Variants in FOXP1 observed in about 807,000 individuals in gnomAD.
The protein encoded by FOXP1 is forkhead box P1, also known as forkhead box protein P1.
A neutral mutation model predicts 98.2 loss-of-function variants in FOXP1; 15 were observed. That is an observed-to-expected ratio of 0.15 (90% CI 0.10 to 0.24). The LOEUF (loss-of-function observed/expected upper bound fraction) is 0.24, where lower values mean the gene tolerates loss of function less well. Ranked by LOEUF, FOXP1 falls within the 10% of genes least tolerant of loss-of-function variation. The pLI is 1.00. For synonymous variants in FOXP1, 371 were observed against 314.5 expected (o/e 1.18, Z -1.90); for missense variants, 633 against 848.5 (o/e 0.75, Z 3.15).
At chr3:71,184,214 C>A (rs997536323) in intron 6 of FOXP1, among the ~76,000 whole-genome samples, 12 of 152,156 alleles carry the variant, frequency 7.9e-5, no homozygotes, top group Admixed American at 1.3e-4. Context: ...AGTTTGAGAA[C>A]CACTGCTGAC....
chr3:71,224,646 G>A (rs1173255949), intron 5 of FOXP1, among the ~76,000 whole-genome samples: 1 of 152,202 alleles, frequency 6.6e-6, no homozygotes, highest in Admixed American at 6.5e-5. Context: ...AGAGGGCCCA[G>A]CACCCAGCAC....
chr3:71,284,640 C>T lies in FOXP1; in HGVS notation c.-12+15180G>A, dbSNP rs186935066. 4.0e-4 allele frequency among the ~76,000 whole-genome samples: 61 copies of T among 152,126 alleles called. No homozygotes were observed. The South Asian group carries it at 4.8e-3, about 12-fold the overall frequency. ...AGGAAAACTGGACATGGTGTCAATA[C>T]CCAACATTAAGAATAGTTCTTTAAA... On this transcript the variant is annotated intron_variant, in intron 5 of 20. Coordinates refer to ENST00000649528, the MANE Select transcript of FOXP1 (RefSeq NM_001349338.3).
At chr3:70,980,813 A>C (rs934342113) in intron 14 of FOXP1, among the ~76,000 whole-genome samples, 16 of 152,198 alleles carry the variant, frequency 1.1e-4, no homozygotes. Flanking sequence ...ACCATCAAAC[A>C]CATACGTCAG....
chr3:70,971,382 G>C (rs1472661702), intron 18 of FOXP1: 1 of 156,826 alleles, frequency 6.4e-6, no homozygotes, highest in East Asian at 1.9e-4. Flanking sequence ...GGGAGGGTCT[G>C]AGAATATTTG....
intron 7 of FOXP1, among the ~76,000 whole-genome samples, chr3:71,073,056 C>A (rs1382006109): frequency 1.3e-5 from 2 of 152,204 alleles, no homozygotes; most frequent in Admixed American, 6.5e-5. Context: ...AAGCAGGAAG[C>A]TTTCAGGTCA....
chr3:70,980,398 T>C (rs1217507948), intron 14 of FOXP1, among the ~76,000 whole-genome samples: 1 of 152,214 alleles, frequency 6.6e-6, no homozygotes, highest in Non-Finnish European at 1.5e-5. Context: ...GTAACATTTG[T>C]AAAAATCATG....
At chr3:71,229,937 A>G (rs944580392) in intron 5 of FOXP1, among the ~76,000 whole-genome samples, 1 of 152,046 alleles carries the variant, frequency 6.6e-6, no homozygotes, top group African/African-American at 2.4e-5. Flanking sequence ...TCTAGGACTT[A>G]GGGATAATTG....
intron 6 of FOXP1, among the ~76,000 whole-genome samples, chr3:71,165,062 G>A (rs184784004): frequency 2.5e-4 from 38 of 151,972 alleles, no homozygotes; most frequent in African/African-American, 7.7e-4. Context: ...GCATTTAAAC[G>A]GAAAGTGAAC....
At chr3:71,167,833 G>A (rs1554536) in intron 6 of FOXP1, among the ~76,000 whole-genome samples, 121,116 of 152,200 alleles carry the variant, frequency 0.8, 48,795 homozygotes, top group East Asian at 0.9. Flanking sequence ...AAAATTAATC[G>A]TGGTTTCCAT....
At chr3:71,272,014 G>C (rs1445918393) in intron 5 of FOXP1, among the ~76,000 whole-genome samples, 1 of 152,152 alleles carries the variant, frequency 6.6e-6, no homozygotes, top group Non-Finnish European at 1.5e-5. Flanking sequence ...TCTCACTGGG[G>C]ACATAATCAA....
chr3:71,426,115 T>C (rs1335678491), intron 3 of FOXP1, among the ~76,000 whole-genome samples: 1 of 152,208 alleles, frequency 6.6e-6, no homozygotes, highest in Non-Finnish European at 1.5e-5. Context: ...TTGATGGTGA[T>C]ACCTCTTGAC....
intron 2 of FOXP1, chr3:71,571,577 G>A (rs1183038556): frequency 6.6e-6 from 1 of 152,168 alleles, no homozygotes; most frequent in Non-Finnish European, 1.5e-5. Flanking sequence ...TTCCCTGGCT[G>A]GTCAAGGTAA....
rs1378506303 is a variant in FOXP1 at position 70,957,486 on chromosome 3, A to C, written c.*1761T>G. On this transcript the variant is annotated 3_prime_UTR_variant, in exon 21 of 21. Transcript: ENST00000649528. The stretch of plus-strand genomic sequence containing the variant: ...TCATCAGATAAAGCATAAAACAGAG[A>C]ACATAATTTACCTTTGTGTAATATC... The C allele has an allele frequency of 4.3e-6, 1 of 230,808 alleles. No homozygotes were observed. The highest frequency in any genetic ancestry group is 8.6e-6 in the Non-Finnish European group (1 of 116,416). The allele number at this position is 230,808 out of a possible 1,614,324, so 14.3% of individuals were successfully genotyped here.
chr3:71,321,431 A>G (rs1232552281), intron 4 of FOXP1, among the ~76,000 whole-genome samples: 1 of 152,118 alleles, frequency 6.6e-6, no homozygotes, highest in Non-Finnish European at 1.5e-5. Flanking sequence ...CATTTAAGTG[A>G]CCATGGAATA....
chr3:71,538,729 T>G (rs1353154305), intron 2 of FOXP1, among the ~76,000 whole-genome samples: 1 of 152,188 alleles, frequency 6.6e-6, no homozygotes, highest in Admixed American at 6.5e-5. Context: ...TTGCGTGTGG[T>G]TTGGTTTCAC....
At chr3:70,961,510 CG>C (rs1240486177) in intron 20 of FOXP1, among the ~76,000 whole-genome samples, 1 of 152,100 alleles carries the variant, frequency 6.6e-6, no homozygotes, top group Non-Finnish European at 1.5e-5. Flanking sequence ...GGATTACAGG[CG>C]TGAGACACCA....
chr3:71,229,982 C>T (rs553285123), intron 5 of FOXP1, among the ~76,000 whole-genome samples: 4 of 151,958 alleles, frequency 2.6e-5, no homozygotes, highest in African/African-American at 7.3e-5. Flanking sequence ...ATCTCAGTGG[C>T]GCTGCAACCT....
intron 4 of FOXP1, chr3:71,305,621 A>C (rs2107593756): frequency 6.6e-6 from 1 of 152,312 alleles, no homozygotes; most frequent in South Asian, 2.1e-4. Flanking sequence ...TGTTAGGACA[A>C]AGAATAATAA....
intron 2 of FOXP1, among the ~76,000 whole-genome samples, chr3:71,568,115 A>C (rs1458874220): frequency 1.3e-5 from 2 of 149,730 alleles, no homozygotes; most frequent in East Asian, 4.1e-4. Flanking sequence ...AAGGAAGGGA[A>C]GGGGAGGGAA....
Sources: gnomAD v4.1 joint callset for allele counts (sites outside exome capture counted in the v4.1 genomes callset) on GRCh38, gnomAD v4.1.1 for gene constraint, MANE v1.5 for transcripts, NCBI Gene and HGNC (gene_info 2026-07-23, HGNC 2026-07-21) for gene names.